Variants in MAPKBP1 observed in about 807,000 individuals in gnomAD.
MAPKBP1 encodes the protein mitogen-activated protein kinase binding protein 1, also known as mitogen-activated protein kinase-binding protein 1.
A neutral mutation model predicts 170.5 loss-of-function variants in MAPKBP1; 71 were observed. That is an observed-to-expected ratio of 0.42 (90% confidence interval 0.34 to 0.51). MAPKBP1 has a LOEUF of 0.51. Ranked by LOEUF, MAPKBP1 falls within the 20% of genes least tolerant of loss-of-function variation. The probability of loss-of-function intolerance (pLI) is 0.06; values close to 1 mark genes in which losing one functional copy is unlikely to be tolerated. For synonymous variants in MAPKBP1, 719 were observed against 757.9 expected (o/e 0.95, Z 0.84); for missense variants, 1,598 against 1,933.0 (o/e 0.83, Z 3.25).
In MAPKBP1 at chr15:41,822,698, C is replaced by G. The variant is rs369163311; in HGVS notation, c.3314+21C>G. The G allele has an allele frequency of 1.1e-5, 18 of 1,613,082 alleles. No homozygotes were observed. The Middle Eastern group carries it at 5.0e-4, about 44-fold the overall frequency. On this transcript the variant is annotated intron_variant, in intron 27 of 30. Transcript: ENST00000457542. ...CTCAGGTACAGAGGCCCCCTACCCC[C>G]CAGCAGCAGCTCTGGCTCTCCTCGC...
chr15:41,820,623 A>T (rs1240485295), intron 22 of MAPKBP1, among the ~76,000 whole-genome samples: 2 of 152,168 alleles, frequency 1.3e-5, no homozygotes, highest in African/African-American at 2.4e-5. Context: ...TGTCTGTGGG[A>T]CGCAGACTGC....
At position 41,818,893 on chromosome 15, in the gene MAPKBP1, C is replaced by T; in HGVS notation, c.2227C>T (p.Gln743Ter). 6.2e-7 allele frequency: 1 copy of T among 1,614,226 alleles called. No individual in the cohort carries two copies. Among genetic ancestry groups the T allele is most frequent in the Non-Finnish European group, 8.5e-7 (1 of 1,180,048 alleles). ...GAGGCAGCGTCTGGCCGAGTTGCGC[C>T]AGCGTCAGCGGGGCGGCAAGCAGCA... is the stretch of plus-strand genomic sequence containing the variant. ...SMRQRLAELRQRQRGGKQQGP... is the reference protein window; with the variant it reads ...SMRQRLAELR The change falls in exon 20 of 31, where the codon CAG (glutamine) becomes TAG (stop). Residue 743 changes from glutamine (Q) to a stop codon, truncating the protein, a stop_gained. Transcript: ENST00000457542. LOFTEE classifies it high-confidence loss of function. This position sits in a 1 kb window ranked among gnomAD's most constrained non-coding sequence, Gnocchi z 5.2.
chr15:41,799,535 T>A (rs967925533), intron 2 of MAPKBP1, among the ~76,000 whole-genome samples: 4 of 152,190 alleles, frequency 2.6e-5, no homozygotes, highest in Admixed American at 2.6e-4. Context: ...TGGGGAATGC[T>A]TGTTCCTCTG....
Position 41,825,301 on chromosome 15 carries a change from T to C in MAPKBP1, c.4392T>C (p.Ala1464=). Residue 1464 remains alanine (A), a synonymous_variant, in exon 31 of 31, where the codon GCT becomes GCC. Coordinates refer to ENST00000457542, the MANE Select transcript of MAPKBP1 (RefSeq NM_014994.3). The stretch of plus-strand genomic sequence containing the variant: ...CTTCAGTGCGACAGGAGCTGGAAGC[T>C]GTGGCTGGGGCAGTGCTGTCCAGCC... ...TFSSVRQELE[A]VAGAVLSSPG... is the part of the protein sequence containing the mutation. The C allele has an allele frequency of 6.2e-7, 1 of 1,613,288 alleles. No individual in the cohort carries two copies. The highest frequency in any genetic ancestry group is 8.5e-7 in the Non-Finnish European group (1 of 1,179,696).
intron 2 of MAPKBP1, among the ~76,000 whole-genome samples, chr15:41,795,811 C>G (rs2064478275): frequency 6.6e-6 from 1 of 151,986 alleles, no homozygotes. Context: ...GGGTTTCACC[C>G]TGTTAGCCAG....
intron 10 of MAPKBP1, 149 bp from the exon 11 acceptor site, chr15:41,815,110 G>C: frequency 1.2e-6 from 1 of 852,446 alleles, no homozygotes; most frequent in Non-Finnish European, 1.9e-6. Flanking sequence ...ATGTTGAAGG[G>C]TATATACCAG....
rs2064799662 is a variant in MAPKBP1, at chr15:41,811,219, A to G, written c.311A>G (p.Tyr104Cys). 1.9e-6 allele frequency: 3 copies of G among 1,614,252 alleles called. No homozygotes were observed. In the East Asian group the frequency reaches 6.7e-5, roughly 36 times the overall value. Residue 104 changes from tyrosine (Y) to cysteine (C), a missense_variant, in exon 5 of 31, where the codon TAC (tyrosine) becomes TGC (cysteine). Physicochemically the swap from Tyr to Cys is radical, Grantham distance 194. This residue lies in a region of MAPKBP1 where 151 missense variants were observed against 191.4 expected (regional missense o/e 0.79). Transcript: ENST00000457542. Reference protein sequence around the residue: ...TALAFSPDGKYLVTGESGHMP... With the variant: ...TALAFSPDGKCLVTGESGHMP... ...CTTGCCTTCTCCCCTGATGGCAAGT[A>G]CTTGGTCACTGGAGAGGTGAGTGAG...
At chr15:41,779,355 C>A (rs746647704) in intron 2 of MAPKBP1, among the ~76,000 whole-genome samples, 1 of 152,082 alleles carries the variant, frequency 6.6e-6, no homozygotes. Context: ...GGATTACAGG[C>A]GCGTGCCACC....
At chr15:41,823,272 A>G (rs1326398309) in intron 28 of MAPKBP1, 50 bp downstream of exon 28, 3 of 1,584,996 alleles carry the variant, frequency 1.9e-6, no homozygotes, top group East Asian at 2.2e-5. Flanking sequence ...TATGGAACAC[A>G]TGTACATGCT....
chr15:41,782,349 C>T (rs1036253865), intron 2 of MAPKBP1, among the ~76,000 whole-genome samples: 1 of 151,652 alleles, frequency 6.6e-6, no homozygotes, highest in Non-Finnish European at 1.5e-5. Context: ...TAAATGATTT[C>T]CCCGTGTAAC....
rs1441083985 is a variant in MAPKBP1, at chr15:41,822,019, C to A, written c.2940C>A (p.Gly980=). 4 of 1,610,148 alleles carry A rather than the reference C, an allele frequency of 2.5e-6. No homozygotes were observed. The highest frequency in any genetic ancestry group is 1.1e-5 in the South Asian group (1 of 90,162). Residue 980 remains glycine, a synonymous_variant, in exon 25 of 31, where the codon GGC becomes GGA. Transcript: ENST00000457542. ...ARGTLGRVYP[G]SRSSEKHSPD... ...GAACTCTGGGAAGAGTGTACCCAGGCAGCAGGAGCTCAGAAAAGCACAGCC... is the reference window on the plus strand; with the variant it reads ...GAACTCTGGGAAGAGTGTACCCAGGAAGCAGGAGCTCAGAAAAGCACAGCC...
intron 6 of MAPKBP1, 45 bp downstream of exon 6, chr15:41,812,172 G>T (rs369010736): frequency 7.5e-6 from 12 of 1,609,828 alleles, no homozygotes; most frequent in Non-Finnish European, 1.0e-5. Flanking sequence ...CAGGGGTCAA[G>T]TGTCAGCTGG....
Position 41,826,375 on chromosome 15 carries a change from C to G in MAPKBP1, c.*939C>G, listed in dbSNP as rs2065094529. On this transcript the variant is annotated 3_prime_UTR_variant, in exon 31 of 31. Coordinates refer to ENST00000457542, the MANE Select transcript of MAPKBP1 (RefSeq NM_014994.3). ...AGGACCTCAGCCACAGATGAGATCA[C>G]ACGCATGCACGTGCACACATGTACA... 1 of 152,322 alleles carries G rather than the reference C, an allele frequency of 6.6e-6. No homozygotes were observed. 9.4% of individuals were successfully genotyped at this position (152,322 alleles called of 1,614,324 possible).
Position 41,814,689 on chromosome 15 carries a change from G to A in MAPKBP1, c.1120G>A (p.Gly374Ser), listed in dbSNP as rs1259133190. 1.2e-6 allele frequency: 2 copies of A among 1,614,226 alleles called. No homozygotes were observed. The highest frequency in any genetic ancestry group is 8.5e-7 in the Non-Finnish European group (1 of 1,180,038). ...VWDVRDPKKV[G>S]KVYSALYHSS... ...GGATGTGAGGGACCCCAAGAAAGTG[G>A]GCAAGGTGTACTCGGCTCTGTATCA... is the stretch of plus-strand genomic sequence containing the variant. The change falls in exon 10 of 31, where the codon GGC becomes AGC. Residue 374 changes from glycine to serine, a missense_variant. Physicochemically the swap from Gly to Ser is moderately conservative, Grantham distance 56. Around this residue, in one of 6 missense-constraint regions of MAPKBP1, gnomAD observed 430 missense variants for 617.2 expected, o/e 0.70. Coordinates refer to ENST00000457542, the MANE Select transcript of MAPKBP1 (RefSeq NM_014994.3).
chr15:41,816,266 GA>G, intron 12 of MAPKBP1: 2 of 446,728 alleles, frequency 4.5e-6, no homozygotes, highest in South Asian at 3.5e-5. Context: ...CTAGAGTCAA[GA>G]AAAAGGACAT....
Position 41,824,011 on chromosome 15 carries a change from C to G in MAPKBP1, c.4163C>G (p.Pro1388Arg). 1 of 1,612,062 alleles carries G rather than the reference C, an allele frequency of 6.2e-7. No individual in the cohort carries two copies. Among genetic ancestry groups the G allele is most frequent in the Non-Finnish European group, 8.5e-7 (1 of 1,179,972 alleles). The change falls in exon 29 of 31, where the codon CCC (proline) becomes CGC (arginine). Residue 1388 changes from proline to arginine, a missense_variant. Transcript: ENST00000457542. The part of the protein sequence containing the change: ...NLQPPPPEKT[P>R]NPMECTKPGA... Reference sequence around the variant, plus strand: ...CAGCCCCCACCCCCTGAGAAGACTCCCAACCCCATGGAATGCACCAAGCCA... The same window carrying G: ...CAGCCCCCACCCCCTGAGAAGACTCGCAACCCCATGGAATGCACCAAGCCA...
intron 2 of MAPKBP1, among the ~76,000 whole-genome samples, chr15:41,786,775 A>ATATATATAT (rs1402898570): frequency 8.0e-5 from 1 of 12,450 alleles, no homozygotes; most frequent in African/African-American, 2.3e-4. Context: ...AAAAAAAAAA[A>ATATATATAT]AAATATATAT....
intron 5 of MAPKBP1, 118 bp from the exon 6 acceptor site, chr15:41,811,839 T>A (rs1186104053): frequency 1.0e-6 from 1 of 978,716 alleles, no homozygotes; most frequent in African/African-American, 1.6e-5. Flanking sequence ...GACTTTTGGC[T>A]GGGGAAGTGA....
rs2064982189 is a variant in MAPKBP1, at chr15:41,820,815, C to T, written c.2482-17C>T. 1.2e-6 allele frequency: 2 copies of T among 1,600,326 alleles called. No homozygotes were observed. Among genetic ancestry groups the T allele is most frequent in the South Asian group, 2.2e-5 (2 of 90,490 alleles). ...GTGGTTGTTGTTACTCCTCCCCCAC[C>T]CCCTACCTCCCACCAGGCACAGGAG... On this transcript the variant is annotated splice_polypyrimidine_tract_variant and intron_variant, in intron 22 of 30. Coordinates refer to ENST00000457542, the MANE Select transcript of MAPKBP1 (RefSeq NM_014994.3).
Sources: allele counts gnomAD v4.1 joint callset (sites outside exome capture counted in the v4.1 genomes callset), GRCh38; gene constraint gnomAD v4.1.1; regional missense constraint gnomAD v4.1.1; non-coding constraint Gnocchi (gnomAD v3.1); transcripts MANE v1.5; gene names NCBI Gene and HGNC (gene_info 2026-07-23, HGNC 2026-07-21).